Variants in IGSF6 observed in about 807,000 individuals in gnomAD.
The protein encoded by IGSF6 is down-regulated by activation (immunoglobulin superfamily).
A neutral mutation model predicts 24.7 loss-of-function variants in IGSF6; 23 were observed. That is an observed-to-expected ratio of 0.93 (90% CI 0.67 to 1.32). The LOEUF is 1.32. Among genes scored for constraint, IGSF6 ranks in the 40% most tolerant of loss-of-function variants. The pLI is 0.00. For missense variants in IGSF6, 295 were observed against 293.6 expected, an observed-to-expected ratio of 1.00 and a Z score of -0.04; for synonymous variants, 110 against 113.7, an observed-to-expected ratio of 0.97 and a Z score of 0.21.
chr16:21,646,872 T>G (rs776380521), intron 2 of IGSF6: 4 of 455,372 alleles, frequency 8.8e-6, no homozygotes, highest in Non-Finnish European at 1.6e-5. Context: ...GCCAGGCTAG[T>G]CTTGAACTCC....
rs1284182903 is a variant in IGSF6 at position 21,643,092 on chromosome 16, C to T, written c.648G>A (p.Val216=). ...CACTTACAGATTGCTGATTTGTTTC[C>T]ACATGTCTCTTATGGTATAGTTCTT... is the stretch of plus-strand genomic sequence containing the variant. The part of the protein sequence containing the change: ...IAQELYHKRH[V]ETNQQSEKDN... The change falls in exon 5 of 6, where the codon GTG becomes GTA. Residue 216 remains valine, a synonymous_variant. Transcript: ENST00000268389. The T allele has an allele frequency of 3.1e-6, 5 of 1,604,504 alleles. No individual in the cohort carries two copies. Among genetic ancestry groups the T allele is most frequent in the Non-Finnish European group, 1.7e-6 (2 of 1,174,242 alleles).
intron 5 of IGSF6, 127 bp downstream of exon 5, chr16:21,642,947 C>T: frequency 1.7e-6 from 1 of 595,784 alleles, no homozygotes. Flanking sequence ...AAAATACATT[C>T]TTGTGAAAGT....
chr16:21,643,155 C>CTT lies in IGSF6; in HGVS notation c.586-2_586-1insAA. 2 of 1,598,686 alleles carry CTT rather than the reference C, an allele frequency of 1.3e-6. No homozygotes were observed. Among genetic ancestry groups the CTT allele is most frequent in the Non-Finnish European group, 1.7e-6 (2 of 1,170,894 alleles). ...GAAAAATACGCCGAGCACTCTTCTT[C>CTT]TATAAAGACAAATGAGAAAAAAAAA... On this transcript the variant is annotated splice_acceptor_variant, in intron 4 of 5. Transcript: ENST00000268389. LOFTEE classifies it high-confidence loss of function.
intron 1 of IGSF6, 93 bp downstream of exon 1, chr16:21,652,439 A>G (rs1418111919): frequency 1.0e-6 from 1 of 969,054 alleles, no homozygotes; most frequent in East Asian, 2.5e-5. Flanking sequence ...ACATTTAAAA[A>G]TTAATCTGAA....
At chr16:21,652,235 A>G (rs1263319299) in intron 1 of IGSF6, 1 of 246,084 alleles carries the variant, frequency 4.1e-6, no homozygotes, top group Non-Finnish European at 7.7e-6. Context: ...TTTGTATGAT[A>G]ATTAAATTAT....
At chr16:21,647,644 C>T (rs1966465891) in intron 1 of IGSF6, 152 bp from the exon 2 acceptor site, 5 of 1,025,188 alleles carry the variant, frequency 4.9e-6, no homozygotes, top group Non-Finnish European at 5.5e-6. Context: ...CAGTGGTCCT[C>T]ACTTGCCCCA....
At chr16:21,643,183 C>A in intron 4 of IGSF6, 29 bp from the exon 5 acceptor site, 1 of 1,526,174 alleles carries the variant, frequency 6.6e-7, no homozygotes, top group Non-Finnish European at 9.0e-7. Flanking sequence ...AAAAAAAATT[C>A]TCTTTTGGGA....
intron 5 of IGSF6, chr16:21,641,904 G>A (rs540532140): frequency 5.0e-6 from 1 of 199,028 alleles, no homozygotes; most frequent in East Asian, 1.2e-4. Flanking sequence ...CCCAGCCTCA[G>A]AAAGAAAAAT....
intron 5 of IGSF6, 132 bp from the exon 6 acceptor site, chr16:21,641,725 C>T (rs891371665): frequency 2.1e-6 from 1 of 485,566 alleles, no homozygotes; most frequent in Non-Finnish European, 3.7e-6. Context: ...ATCTTAAAGG[C>T]CAGATTACCG....
At chr16:21,643,625 G>C (rs1233649959) in intron 3 of IGSF6, 27 bp from the exon 4 acceptor site, 1 of 1,534,660 alleles carries the variant, frequency 6.5e-7, no homozygotes, top group Non-Finnish European at 9.0e-7. Context: ...GAAAGTCTAT[G>C]AAACATTTTA....
intron 5 of IGSF6, chr16:21,642,293 T>C (rs1223942157): frequency 1.4e-5 from 2 of 144,580 alleles, no homozygotes; most frequent in East Asian, 4.1e-4. Flanking sequence ...CAGCTTATTT[T>C]GTGCTCGCTT....
intron 5 of IGSF6, chr16:21,642,434 T>C (rs2141611355): frequency 6.6e-6 from 1 of 152,342 alleles, no homozygotes; most frequent in African/African-American, 2.4e-5. Flanking sequence ...AACCTTATTT[T>C]GTATACATTT....
intron 2 of IGSF6, among the ~76,000 whole-genome samples, chr16:21,645,720 C>T (rs913008111): frequency 6.6e-6 from 1 of 152,156 alleles, no homozygotes; most frequent in Admixed American, 6.5e-5. Context: ...AGCCATTTTT[C>T]CCTTTGACTA....
intron 1 of IGSF6, 40 bp from the exon 2 acceptor site, chr16:21,647,532 AC>A: frequency 6.4e-7 from 1 of 1,568,008 alleles, no homozygotes; most frequent in Non-Finnish European, 8.7e-7. Flanking sequence ...TGGGCCTGCC[AC>A]CTCACTTTGT....
rs563502288 is a variant in IGSF6, at chr16:21,647,297, T to C, written c.263A>G (p.Asp88Gly). 1 of 1,614,220 alleles carries C rather than the reference T, an allele frequency of 6.2e-7. No individual in the cohort carries two copies. Among genetic ancestry groups the C allele is most frequent in the Non-Finnish European group, 8.5e-7 (1 of 1,180,030 alleles). The change falls in exon 2 of 6, where the codon GAC (aspartate) becomes GGC (glycine). Residue 88 changes from aspartate (D) to glycine (G), a missense_variant. Physicochemically the swap from Asp to Gly is moderately conservative, Grantham distance 94. Transcript: ENST00000268389. Reference sequence around the variant, plus strand: ...GAGGGCCTCCCTCACTGTGAACTTGTCTGCCTCACTTTTGCACCCGTCCAA... The same window carrying C: ...GAGGGCCTCCCTCACTGTGAACTTGCCTGCCTCACTTTTGCACCCGTCCAA... ...LCLDGCKSEA[D>G]KFTVREALKE...
intron 1 of IGSF6, among the ~76,000 whole-genome samples, chr16:21,650,369 G>A (rs1966536514): frequency 6.6e-6 from 1 of 151,968 alleles, no homozygotes; most frequent in Admixed American, 6.6e-5. Context: ...TTAGCCAGGT[G>A]TGGTGGTGGA....
chr16:21,641,635 T>A (rs1054963815), intron 5 of IGSF6, 42 bp from the exon 6 acceptor site: 2 of 1,344,132 alleles, frequency 1.5e-6, no homozygotes, highest in Non-Finnish European at 2.1e-6. Flanking sequence ...TAAGGTTATG[T>A]AACCAATGAA....
chr16:21,639,749 A>G lies in IGSF6; in HGVS notation c.*1785T>C, dbSNP rs377465939. Reference sequence around the variant, plus strand: ...GATACACACAAAAAAATGAGGTTCCATGCTGCCTCCTTTCCCCTGCCCATT... The same window carrying G: ...GATACACACAAAAAAATGAGGTTCCGTGCTGCCTCCTTTCCCCTGCCCATT... On this transcript the variant is annotated 3_prime_UTR_variant, in exon 6 of 6. Coordinates refer to ENST00000268389, the MANE Select transcript of IGSF6 (RefSeq NM_005849.4). The G allele has an allele frequency of 1.3e-5, 2 of 152,344 alleles. No homozygotes were observed. The highest frequency in any genetic ancestry group is 4.1e-4 in the South Asian group (2 of 4,828). 9.4% of individuals were successfully genotyped at this position (152,344 alleles called of 1,614,324 possible). A position where few individuals can be genotyped will look rare whatever the true frequency, so the allele number is the denominator to read the frequency against.
In IGSF6 at chr16:21,643,540, G is replaced by T. The variant is rs1440088509; in HGVS notation, c.585+8C>A. ...TTTAAAAAATATTTTTCAAGTGTTGGTCTGTACCTTTTGTGAGTCTTCTTT... is the reference window on the plus strand; with the variant it reads ...TTTAAAAAATATTTTTCAAGTGTTGTTCTGTACCTTTTGTGAGTCTTCTTT... On this transcript the variant is annotated splice_region_variant and intron_variant, in intron 4 of 5. Transcript: ENST00000268389. 2 of 1,573,990 alleles carry T rather than the reference G, an allele frequency of 1.3e-6. No homozygotes were observed. Among genetic ancestry groups the T allele is most frequent in the South Asian group, 1.1e-5 (1 of 88,960 alleles).
Sources: gnomAD v4.1 joint callset for allele counts (sites outside exome capture counted in the v4.1 genomes callset) on GRCh38, gnomAD v4.1.1 for gene constraint, MANE v1.5 for transcripts, NCBI Gene and HGNC (gene_info 2026-07-23, HGNC 2026-07-21) for gene names.